TTC16: variants seen among roughly 807,000 people sequenced by gnomAD.
TTC16 encodes the protein tetratricopeptide repeat domain 16, also known as tetratricopeptide repeat protein 16.
Under a neutral mutation model 80.4 loss-of-function variants are expected in TTC16, and 66 were observed. The observed-to-expected ratio is 0.82, with a 90% CI of 0.67 to 1.01. The LOEUF (loss-of-function observed/expected upper bound fraction) is 1.01. TTC16 is among the 50% of genes least tolerant of loss of function. TTC16 has a pLI of 0.00. For missense variants in TTC16, 1,070 were observed against 1,103.2 expected (o/e 0.97, Z 0.43); for synonymous variants, 438 against 451.3 (o/e 0.97, Z 0.37).
chr9:127,724,243 G>C lies in TTC16; in HGVS notation c.996G>C (p.Leu332=). 6.2e-7 allele frequency: 1 copy of C among 1,613,082 alleles called. No homozygotes were observed. The highest frequency in any genetic ancestry group is 8.5e-7 in the Non-Finnish European group (1 of 1,180,038). Residue 332 remains leucine, a synonymous_variant, in exon 8 of 14, where the codon CTG becomes CTC. Transcript: ENST00000373289. ...GGCAGGCACAGCGCCAGCTGTTGCT[G>C]ACCTACAACGACTTTGCCGTGCACT... ...MVRQAQRQLL[L]TYNDFAVHCY...
chr9:127,731,085 C>A lies in TTC16; in HGVS notation c.2302C>A (p.Pro768Thr). The change falls in exon 14 of 14, where the codon CCA becomes ACA. Residue 768 changes from proline to threonine, a missense_variant. Pro to Thr is a conservative substitution (Grantham distance 38). Transcript: ENST00000373289. ...CAGCAAGACCAAGACCACCCGGAGC[C>A]CAAGGCAGAGGCCCAGAAAGGTCAA... Reference protein sequence around the residue: ...EPSKTKTTRSPRQRPRKVKAA... With the variant: ...EPSKTKTTRSTRQRPRKVKAA... The A allele has an allele frequency of 6.2e-7, 1 of 1,612,112 alleles. No homozygotes were observed. Among genetic ancestry groups the A allele is most frequent in the Non-Finnish European group, 8.5e-7 (1 of 1,179,622 alleles).
In TTC16 at chr9:127,727,036, G is replaced by T. The variant is rs1844035444; in HGVS notation, c.1492G>T (p.Ala498Ser). The change falls in exon 11 of 14, where the codon GCC becomes TCC. Residue 498 changes from alanine to serine, a missense_variant. By Grantham distance (99) the Ala-to-Ser change is moderately conservative. Transcript: ENST00000373289. Reference protein sequence around the residue: ...SVEEVLSTQIAHLARLQLEQM... With the variant: ...SVEEVLSTQISHLARLQLEQM... ...GGAGGAGGTGCTTAGCACCCAGATA[G>T]CCCACCTGGCCAGGCTGCAGCTGGA... 1 of 1,612,688 alleles carries T rather than the reference G, an allele frequency of 6.2e-7. No individual in the cohort carries two copies. Among genetic ancestry groups the T allele is most frequent in the Non-Finnish European group, 8.5e-7 (1 of 1,179,976 alleles).
At chr9:127,727,682 CAG>C in intron 12 of TTC16, 1 of 970,182 alleles carries the variant, frequency 1.0e-6, no homozygotes, top group Non-Finnish European at 1.4e-6. Context: ...TGTGGGCCCT[CAG>C]AGAGAGGAGT....
chr9:127,726,967 C>T lies in TTC16; in HGVS notation c.1426-3C>T. On this transcript the variant is annotated splice_region_variant and splice_polypyrimidine_tract_variant and intron_variant, in intron 10 of 13. Transcript: ENST00000373289. ...TGGCTCTGGTCACCCCCTTTCGTGG[C>T]AGCTGTCCCTGCTGATGACCAACCT... The T allele has an allele frequency of 6.2e-7, 1 of 1,613,206 alleles. No individual in the cohort carries two copies. Among genetic ancestry groups the T allele is most frequent in the Non-Finnish European group, 8.5e-7 (1 of 1,180,004 alleles).
At position 127,730,880 on chromosome 9, in the gene TTC16, G is replaced by A. The variant is rs1294330601; in HGVS notation, c.2097G>A (p.Lys699=). ...QSQRRNSSKT[K]ATIHKRNSSK... is the part of the protein sequence containing the mutation. ...AGAGGCGGAACTCCAGCAAGACCAA[G>A]GCCACTATACACAAGAGGAACTCCA... The change falls in exon 14 of 14, where the codon AAG becomes AAA. Residue 699 remains lysine, a synonymous_variant. Transcript: ENST00000373289. 12 of 1,613,320 alleles carry A rather than the reference G, an allele frequency of 7.4e-6. No homozygotes were observed. Among genetic ancestry groups the A allele is most frequent in the Non-Finnish European group, 9.3e-6 (11 of 1,179,908 alleles).
rs1183031341 is a variant in TTC16, at chr9:127,718,679, C to A, written c.426+907C>A. Among the ~76,000 whole-genome samples the A allele has an allele frequency of 6.6e-6, 1 of 151,888 alleles. No homozygotes were observed. The highest frequency in any genetic ancestry group is 1.5e-5 in the Non-Finnish European group (1 of 67,968). ...GCGCAATCTCAGCTCACAACCTCCA[C>A]CTCCCGGGTTCAAATGATTCTTGTG... On this transcript the variant is annotated intron_variant, in intron 4 of 13. Transcript: ENST00000373289. This position sits in a 1 kb window ranked among gnomAD's most constrained non-coding sequence, Gnocchi z 4.6.
At position 127,730,936 on chromosome 9, in the gene TTC16, G is replaced by A. The variant is rs868152574; in HGVS notation, c.2153G>A (p.Arg718Gln). Residue 718 changes from arginine to glutamine, a missense_variant, in exon 14 of 14, where the codon CGG becomes CAG. Coordinates refer to ENST00000373289, the MANE Select transcript of TTC16 (RefSeq NM_144965.3). ...SKTKATQSQR[R>Q]NSSKTRATQG... ...ACCAAGGCCACCCAAAGCCAGAGGC[G>A]GAACTCCAGCAAGACCAGGGCCACC... 24 of 1,612,160 alleles carry A rather than the reference G, an allele frequency of 1.5e-5. No homozygotes were observed. Among genetic ancestry groups the A allele is most frequent in the Admixed American group, 5.0e-5 (3 of 59,860 alleles).
intron 12 of TTC16, 133 bp downstream of exon 12, chr9:127,727,598 T>C: frequency 5.6e-6 from 8 of 1,425,254 alleles, no homozygotes; most frequent in Non-Finnish European, 6.4e-6. Flanking sequence ...AGCTGTGTGA[T>C]GGGCTGGGGA....
rs1257789679 is a variant in TTC16, at chr9:127,731,073, A to AC, written c.2292dup (p.Thr765HisfsTer25). On this transcript the variant is annotated frameshift_variant, in exon 14 of 14. Coordinates refer to ENST00000373289, the MANE Select transcript of TTC16 (RefSeq NM_144965.3). LOFTEE classifies it low-confidence loss of function (END_TRUNC). ...AAGGCAGGAGCCCAGCAAGACCAAG[A>AC]CCACCCGGAGCCCAAGGCAGAGGCC... 1 of 1,612,104 alleles carries AC rather than the reference A, an allele frequency of 6.2e-7. No homozygotes were observed. The highest frequency in any genetic ancestry group is 8.5e-7 in the Non-Finnish European group (1 of 1,179,690).
intron 4 of TTC16, among the ~76,000 whole-genome samples, chr9:127,719,876 C>A (rs549865139): frequency 1.3e-5 from 2 of 151,998 alleles, no homozygotes; most frequent in South Asian, 4.1e-4. Flanking sequence ...GCATCTCTTA[C>A]TGTCTCTTGC....
In TTC16 at chr9:127,724,767, C is replaced by T; in HGVS notation, c.1129C>T (p.Gln377Ter). Residue 377 changes from glutamine to a stop codon, truncating the protein, a stop_gained, in exon 9 of 14, where the codon CAG becomes TAG. Coordinates refer to ENST00000373289, the MANE Select transcript of TTC16 (RefSeq NM_144965.3). LOFTEE classifies it high-confidence loss of function. Reference protein sequence around the residue: ...LYINRGDCFFQLGNLAFAEAD... With the variant: ...LYINRGDCFF ...CCTCCGGACCCTAGATTGCTTCTTC[C>T]AGCTGGGCAACCTGGCCTTTGCCGA... The T allele has an allele frequency of 6.2e-7, 1 of 1,610,278 alleles. No individual in the cohort carries two copies. Among genetic ancestry groups the T allele is most frequent in the South Asian group, 1.1e-5 (1 of 90,658 alleles).
chr9:127,729,783 G>A (rs954032011), intron 13 of TTC16, 115 bp downstream of exon 13: 1 of 893,894 alleles, frequency 1.1e-6, no homozygotes, highest in South Asian at 1.4e-5. Flanking sequence ...GCTGACAGCT[G>A]GGTGGCCTGG....
Position 127,722,715 on chromosome 9 carries a change from G to T in TTC16, c.658-404G>T, listed in dbSNP as rs1054661459. ...TCAAACCTGTAATCCCAGCACTTCG[G>T]GAGGCCAAGGTGGGCGGATCACCTA... On this transcript the variant is annotated intron_variant, in intron 6 of 13. Transcript: ENST00000373289. This position sits in a 1 kb window ranked among gnomAD's most constrained non-coding sequence, Gnocchi z 4.2. Among the ~76,000 whole-genome samples, 4 of 152,126 alleles carry T rather than the reference G, an allele frequency of 2.6e-5. No individual in the cohort carries two copies. In the East Asian group the frequency reaches 7.7e-4, roughly 29 times the overall value.
intron 6 of TTC16, among the ~76,000 whole-genome samples, 177 bp downstream of exon 6, chr9:127,720,572 G>A (rs1209885599): frequency 6.6e-6 from 1 of 152,070 alleles, no homozygotes; most frequent in Non-Finnish European, 1.5e-5. Context: ...CAACTACCAT[G>A]TCAGGTCCTT....
rs1019801051 is a variant in TTC16, at chr9:127,718,384, G to T, written c.426+612G>T. ...ATTACAGATGTGAGCCACTGCGCCC[G>T]GCCTCTTATTTTTATTTTAATTAAT... On this transcript the variant is annotated intron_variant, in intron 4 of 13. Coordinates refer to ENST00000373289, the MANE Select transcript of TTC16 (RefSeq NM_144965.3). The surrounding 1 kb of genome is among the most constrained non-coding windows in gnomAD (Gnocchi z 4.6). Among the ~76,000 whole-genome samples the T allele has an allele frequency of 6.6e-6, 1 of 152,030 alleles. No homozygotes were observed. Among genetic ancestry groups the T allele is most frequent in the African/African-American group, 2.4e-5 (1 of 41,374 alleles).
At chr9:127,724,547 A>G in intron 8 of TTC16, 183 bp downstream of exon 8, 3 of 1,098,298 alleles carry the variant, frequency 2.7e-6, no homozygotes, top group Non-Finnish European at 3.8e-6. Flanking sequence ...GTTGCCTTAG[A>G]CAAACTGGCT....
rs1292572266 is a variant in TTC16, at chr9:127,722,295, C to G, written c.658-824C>G. Among the ~76,000 whole-genome samples, 3 of 152,200 alleles carry G rather than the reference C, an allele frequency of 2.0e-5. No individual in the cohort carries two copies. The highest frequency in any genetic ancestry group is 7.2e-5 in the African/African-American group (3 of 41,440). The stretch of plus-strand genomic sequence containing the variant: ...TGCCAGCCAGTCACCCCGCAGGGAA[C>G]AGGGTGTTGTTGAACTGTCTGTTGC... On this transcript the variant is annotated intron_variant, in intron 6 of 13. Coordinates refer to ENST00000373289, the MANE Select transcript of TTC16 (RefSeq NM_144965.3). This position sits in a 1 kb window ranked among gnomAD's most constrained non-coding sequence, Gnocchi z 4.2.
At chr9:127,716,717 G>A (rs1358845272) in intron 1 of TTC16, 127 bp from the exon 2 acceptor site, 5 of 1,276,988 alleles carry the variant, frequency 3.9e-6, no homozygotes, top group Admixed American at 5.4e-5. Context: ...CCGGAACCCC[G>A]AGTGGGAGTG....
chr9:127,726,787 C>CAAAAAAAAAAAAAAAAAAAAAA (rs55676226), intron 10 of TTC16, among the ~76,000 whole-genome samples, 183 bp from the exon 11 acceptor site: 1 of 127,738 alleles, frequency 7.8e-6, no homozygotes, highest in African/African-American at 2.6e-5. Flanking sequence ...GACTCTGTCT[C>CAAAAAAAAAAAAAAAAAAAAAA]AAAAAAAAAA....
Sources: allele counts gnomAD v4.1 joint callset (sites outside exome capture counted in the v4.1 genomes callset), GRCh38; gene constraint gnomAD v4.1.1; non-coding constraint Gnocchi (gnomAD v3.1); transcripts MANE v1.5; gene names NCBI Gene and HGNC (gene_info 2026-07-23, HGNC 2026-07-21).